MAGI2: variants seen among roughly 807,000 people sequenced by gnomAD.
The protein encoded by MAGI2 is membrane-associated guanylate kinase, WW and PDZ domain-containing protein 2.
A neutral mutation model predicts 133.3 loss-of-function variants in MAGI2; 35 were observed. That is an observed-to-expected ratio of 0.26 (90% CI 0.20 to 0.35). The LOEUF (loss-of-function observed/expected upper bound fraction) is 0.35. MAGI2 is among the 10% of genes least tolerant of loss of function. MAGI2 has a pLI of 1.00. For synonymous variants in MAGI2, 729 were observed against 710.6 expected, an observed-to-expected ratio of 1.03 and a Z score of -0.41; for missense variants, 1,636 against 1,863.4, an observed-to-expected ratio of 0.88 and a Z score of 2.25.
At chr7:78,928,940 T>C (rs900930040) in intron 2 of MAGI2, among the ~76,000 whole-genome samples, 22 of 152,000 alleles carry the variant, frequency 1.4e-4, no homozygotes, top group African/African-American at 5.1e-4. Context: ...ACAATGAAAT[T>C]AACAGATACC....
chr7:78,922,397 G>A (rs1161847939), intron 2 of MAGI2, among the ~76,000 whole-genome samples: 1 of 150,236 alleles, frequency 6.7e-6, no homozygotes, highest in African/African-American at 2.5e-5. Flanking sequence ...CTGTGTCCAT[G>A]TGTTCTCATT....
intron 4 of MAGI2, among the ~76,000 whole-genome samples, chr7:78,508,745 G>A (rs751170867): frequency 6.6e-6 from 1 of 152,142 alleles, no homozygotes; most frequent in Non-Finnish European, 1.5e-5. Context: ...TAGGGAGAAG[G>A]AGCCAAATAA....
At chr7:78,689,564 C>T (rs1816731714) in intron 2 of MAGI2, among the ~76,000 whole-genome samples, 1 of 152,068 alleles carries the variant, frequency 6.6e-6, no homozygotes, top group African/African-American at 2.4e-5. Flanking sequence ...TTCTCTCTGT[C>T]TCGCCCACAT....
chr7:78,209,008 G>T (rs1353932579), intron 10 of MAGI2, among the ~76,000 whole-genome samples: 6 of 150,530 alleles, frequency 4.0e-5, no homozygotes, highest in African/African-American at 1.5e-4. Flanking sequence ...GGATCACGAG[G>T]TCAGGAGATC....
At chr7:79,390,596 T>C (rs1378208311) in intron 1 of MAGI2, among the ~76,000 whole-genome samples, 1 of 152,110 alleles carries the variant, frequency 6.6e-6, no homozygotes, top group Non-Finnish European at 1.5e-5. Context: ...GTGTTGAGTT[T>C]CGAGAGGAGG....
At chr7:78,257,371 T>G (rs1464647876) in intron 9 of MAGI2, among the ~76,000 whole-genome samples, 1 of 152,160 alleles carries the variant, frequency 6.6e-6, no homozygotes, top group Non-Finnish European at 1.5e-5. Context: ...GGAGGAGATT[T>G]GGGTCCCTTG....
intron 1 of MAGI2, among the ~76,000 whole-genome samples, chr7:79,250,162 A>G (rs1833133056): frequency 6.6e-6 from 1 of 152,160 alleles, no homozygotes; most frequent in Non-Finnish European, 1.5e-5. Context: ...ATAGCCATAT[A>G]AAACAGCCCC....
intron 6 of MAGI2, chr7:78,486,977 C>A (rs376006814): frequency 4.6e-5 from 24 of 525,460 alleles, no homozygotes; most frequent in South Asian, 3.3e-4. Context: ...CAGTGGAAAT[C>A]CCTGATCTGA....
chr7:78,521,470 C>T lies in MAGI2; in HGVS notation c.714G>A (p.Glu238=), dbSNP rs1350468426. ...SIEPPEEEEE[E]RPVVNGNGVV... ...CTCCATTTCCATTGACCACAGGCCT[C>T]TCTTCCTCTTCCTCCTCAGGAGGCT... The change falls in exon 4 of 22, where the codon GAG becomes GAA. Residue 238 remains glutamate (E), a synonymous_variant. Transcript: ENST00000354212. The T allele has an allele frequency of 8.7e-6, 14 of 1,614,098 alleles. No individual in the cohort carries two copies. The highest frequency in any genetic ancestry group is 1.2e-5 in the Non-Finnish European group (14 of 1,180,008).
At chr7:79,002,305 T>G (rs1415570017) in intron 2 of MAGI2, among the ~76,000 whole-genome samples, 1 of 151,768 alleles carries the variant, frequency 6.6e-6, no homozygotes, top group Non-Finnish European at 1.5e-5. Flanking sequence ...ATTTTTTTTT[T>G]GTAGAGATAG....
chr7:78,502,603 C>T (rs117367972), intron 4 of MAGI2, among the ~76,000 whole-genome samples: 1 of 152,204 alleles, frequency 6.6e-6, no homozygotes, highest in East Asian at 1.9e-4. Context: ...TGTTCTTAAT[C>T]TCTTACTGCA....
chr7:78,883,238 A>C (rs1796008531), intron 2 of MAGI2, among the ~76,000 whole-genome samples: 1 of 152,102 alleles, frequency 6.6e-6, no homozygotes, highest in Admixed American at 6.6e-5. Flanking sequence ...TCAAGACGCA[A>C]TCCCATTTGT....
chr7:78,121,355 T>C (rs2150498992), intron 20 of MAGI2, among the ~76,000 whole-genome samples: 1 of 152,204 alleles, frequency 6.6e-6, no homozygotes, highest in Middle Eastern at 3.4e-3. Flanking sequence ...ATCACATTAA[T>C]TGATGAAAAA....
At chr7:78,725,753 T>C (rs1264840262) in intron 2 of MAGI2, among the ~76,000 whole-genome samples, 1 of 152,198 alleles carries the variant, frequency 6.6e-6, no homozygotes, top group Non-Finnish European at 1.5e-5. Context: ...GAGCCGAGAT[T>C]GCGCCACTGC....
At chr7:78,710,519 T>C (rs1011226513) in intron 2 of MAGI2, among the ~76,000 whole-genome samples, 3 of 151,372 alleles carry the variant, frequency 2.0e-5, no homozygotes, top group Non-Finnish European at 3.0e-5. Context: ...TCTGAATGAA[T>C]CTGGAGTTTT....
chr7:79,234,938 G>T (rs897362381), intron 1 of MAGI2, among the ~76,000 whole-genome samples: 2 of 151,848 alleles, frequency 1.3e-5, no homozygotes, highest in African/African-American at 4.9e-5. Flanking sequence ...TCTACTTTTG[G>T]TCTTTGATGA....
chr7:78,687,082 G>A (rs1234310373), intron 2 of MAGI2, among the ~76,000 whole-genome samples: 1 of 152,144 alleles, frequency 6.6e-6, no homozygotes, highest in African/African-American at 2.4e-5. Context: ...TCCCCTTCAA[G>A]GACTGACCCA....
intron 1 of MAGI2, among the ~76,000 whole-genome samples, chr7:79,062,814 C>T (rs1351300086): frequency 6.6e-6 from 1 of 152,034 alleles, no homozygotes; most frequent in African/African-American, 2.4e-5. Context: ...ATGATGAGTG[C>T]AATGAGGAAA....
chr7:78,683,564 A>C (rs1815930224), intron 2 of MAGI2, among the ~76,000 whole-genome samples: 1 of 152,182 alleles, frequency 6.6e-6, no homozygotes, highest in Non-Finnish European at 1.5e-5. Flanking sequence ...CTGGTTTCCT[A>C]ATCCTGCTTT....
Sources: allele counts gnomAD v4.1 joint callset (sites outside exome capture counted in the v4.1 genomes callset), GRCh38; gene constraint gnomAD v4.1.1; transcripts MANE v1.5; gene names NCBI Gene and HGNC (gene_info 2026-07-23, HGNC 2026-07-21).